CACNA2D1: variants seen among roughly 807,000 people sequenced by gnomAD.
The protein encoded by CACNA2D1 is calcium voltage-gated channel auxiliary subunit alpha2delta 1, also known as voltage-dependent calcium channel subunit alpha-2/delta-1.
Under a neutral mutation model 171.5 loss-of-function variants are expected in CACNA2D1, and 53 were observed. The ratio of observed to expected loss-of-function variants is 0.31; its 90% CI spans 0.25 to 0.39. The LOEUF is 0.39. Among genes scored for constraint, CACNA2D1 ranks in the 10% least tolerant of loss-of-function variants. The probability of loss-of-function intolerance (pLI) is 1.00; values close to 1 mark genes in which losing one functional copy is unlikely to be tolerated. For missense variants in CACNA2D1, 903 were observed against 1,299.8 expected (o/e 0.69, Z 4.69); for synonymous variants, 442 against 443.1 (o/e 1.00, Z 0.03).
intron 2 of CACNA2D1, among the ~76,000 whole-genome samples, chr7:82,336,692 C>A (rs905278529): frequency 6.6e-6 from 1 of 152,174 alleles, no homozygotes; most frequent in Admixed American, 6.5e-5. Context: ...TCATCCAATG[C>A]AAAGCTTTCT....
At chr7:82,436,784 G>A (rs1025169466) in intron 1 of CACNA2D1, among the ~76,000 whole-genome samples, 2 of 152,108 alleles carry the variant, frequency 1.3e-5, no homozygotes, top group Non-Finnish European at 2.9e-5. Flanking sequence ...GATTTTTGCA[G>A]TCTGCCTGAG....
intron 3 of CACNA2D1, among the ~76,000 whole-genome samples, chr7:82,320,873 A>C (rs555590322): frequency 6.8e-6 from 1 of 147,608 alleles, no homozygotes; most frequent in South Asian, 2.1e-4. Flanking sequence ...TAAATAATAC[A>C]TTCACAAAAT....
intron 3 of CACNA2D1, among the ~76,000 whole-genome samples, chr7:82,245,656 T>TCACACACACACA (rs1209094996): frequency 2.1e-5 from 1 of 48,776 alleles, no homozygotes; most frequent in African/African-American, 1.4e-4. Context: ...TCTCTCTCTC[T>TCACACACACACA]CTCTCTCACA....
intron 1 of CACNA2D1, among the ~76,000 whole-genome samples, chr7:82,363,462 T>G (rs1821319154): frequency 6.6e-6 from 1 of 151,956 alleles, no homozygotes; most frequent in Non-Finnish European, 1.5e-5. Flanking sequence ...AAATGGGGTT[T>G]CACCGTGTTA....
At chr7:82,403,479 A>C (rs1826675722) in intron 1 of CACNA2D1, among the ~76,000 whole-genome samples, 2 of 152,154 alleles carry the variant, frequency 1.3e-5, no homozygotes, top group South Asian at 4.1e-4. Flanking sequence ...ATTGTTCTCA[A>C]CTTGTCTTCT....
chr7:82,146,408 TTA>T (rs1392185484), intron 4 of CACNA2D1, among the ~76,000 whole-genome samples: 2 of 143,826 alleles, frequency 1.4e-5, no homozygotes, highest in Admixed American at 7.0e-5. Flanking sequence ...AGATATATAT[TTA>T]TATATATCTT....
At chr7:82,067,410 G>A (rs1479171282) in intron 7 of CACNA2D1, among the ~76,000 whole-genome samples, 1 of 152,046 alleles carries the variant, frequency 6.6e-6, no homozygotes, top group Non-Finnish European at 1.5e-5. Context: ...GAGAAACTGT[G>A]GAAATTATGA....
At chr7:82,296,885 T>C (rs1812349445) in intron 3 of CACNA2D1, among the ~76,000 whole-genome samples, 1 of 151,960 alleles carries the variant, frequency 6.6e-6, no homozygotes, top group Admixed American at 6.6e-5. Flanking sequence ...TGCCTATGTA[T>C]CTGCAAAAAT....
intron 32 of CACNA2D1, among the ~76,000 whole-genome samples, chr7:81,965,214 T>C (rs1296875983): frequency 6.6e-6 from 1 of 151,970 alleles, no homozygotes; most frequent in Non-Finnish European, 1.5e-5. Context: ...AAAAATAGCC[T>C]ATGTGCTGCT....
chr7:82,130,903 T>A (rs1039862301), intron 5 of CACNA2D1, among the ~76,000 whole-genome samples: 1 of 147,746 alleles, frequency 6.8e-6, no homozygotes, highest in East Asian at 2.1e-4. Flanking sequence ...TTCACGCTAC[T>A]CTCCTGCCTC....
chr7:82,441,307 C>G (rs1487278778), intron 1 of CACNA2D1, among the ~76,000 whole-genome samples: 1 of 152,042 alleles, frequency 6.6e-6, no homozygotes, highest in Non-Finnish European at 1.5e-5. Flanking sequence ...ATGCAGAAGG[C>G]TTCCAAAAAT....
intron 1 of CACNA2D1, among the ~76,000 whole-genome samples, chr7:82,360,018 C>T (rs895720662): frequency 7.9e-5 from 12 of 152,082 alleles, no homozygotes; most frequent in African/African-American, 2.4e-4. Context: ...AGTTACTTAC[C>T]AAAGGACACA....
intron 21 of CACNA2D1, among the ~76,000 whole-genome samples, chr7:81,988,983 TG>T (rs749678970): frequency 1.4e-4 from 21 of 152,118 alleles, no homozygotes; most frequent in Non-Finnish European, 2.8e-4. Context: ...TAGAGTGTGG[TG>T]AAACATTATA....
At chr7:81,964,433 A>G in intron 32 of CACNA2D1, 74 bp from the exon 33 acceptor site, 1 of 1,167,532 alleles carries the variant, frequency 8.6e-7, no homozygotes, top group Non-Finnish European at 1.3e-6. Context: ...AATCACCACT[A>G]CAGTGAAAAG....
intron 6 of CACNA2D1, among the ~76,000 whole-genome samples, chr7:82,101,519 T>C (rs1007840389): frequency 5.3e-5 from 8 of 152,202 alleles, no homozygotes; most frequent in African/African-American, 1.9e-4. Flanking sequence ...GTATACTTTA[T>C]TGATAAATTG....
intron 3 of CACNA2D1, among the ~76,000 whole-genome samples, chr7:82,276,800 G>A (rs1423196745): frequency 3.4e-5 from 5 of 145,020 alleles, no homozygotes; most frequent in Middle Eastern, 3.6e-3. Context: ...CCAGGCTTTA[G>A]TGCAGTGGTG....
chr7:82,193,688 T>C (rs1382369496), intron 3 of CACNA2D1, among the ~76,000 whole-genome samples: 1 of 151,996 alleles, frequency 6.6e-6, no homozygotes, highest in African/African-American at 2.4e-5. Flanking sequence ...TTTGCTGAAA[T>C]TTATCTTCCC....
intron 4 of CACNA2D1, among the ~76,000 whole-genome samples, chr7:82,145,285 AAAT>A (rs1792860624): frequency 6.9e-6 from 1 of 145,756 alleles, no homozygotes. Flanking sequence ...ATAAAATAAA[AAAT>A]AAAAATATAT....
At chr7:82,426,164 T>G (rs1296368007) in intron 1 of CACNA2D1, among the ~76,000 whole-genome samples, 1 of 136,068 alleles carries the variant, frequency 7.3e-6, no homozygotes, top group Non-Finnish European at 1.5e-5. Context: ...AATAAATAAA[T>G]AAATAAATAA....
Sources: gnomAD v4.1 joint callset for allele counts (sites outside exome capture counted in the v4.1 genomes callset) on GRCh38, gnomAD v4.1.1 for gene constraint, MANE v1.5 for transcripts, NCBI Gene and HGNC (gene_info 2026-07-23, HGNC 2026-07-21) for gene names.